ARHGAP24: variants seen among roughly 807,000 people sequenced by gnomAD.
ARHGAP24 encodes the protein Rho GTPase activating protein 24, also known as rho GTPase-activating protein 24.
In ARHGAP24, 50 loss-of-function variants were observed where a neutral mutation model predicts 76.4. That is an observed-to-expected ratio of 0.65 (90% CI 0.52 to 0.83). ARHGAP24 has a LOEUF of 0.83. ARHGAP24 is among the 40% of genes least tolerant of loss of function. The pLI, the probability that ARHGAP24 is intolerant of heterozygous loss-of-function variation, is 0.00. For missense variants in ARHGAP24, 930 were observed against 914.2 expected, an observed-to-expected ratio of 1.02 and a Z score of -0.22; for synonymous variants, 345 against 323.3, an observed-to-expected ratio of 1.07 and a Z score of -0.72.
At chr4:85,548,989 A>G (rs370313168) in intron 1 of ARHGAP24, among the ~76,000 whole-genome samples, 5 of 152,158 alleles carry the variant, frequency 3.3e-5, no homozygotes, top group African/African-American at 1.2e-4. Flanking sequence ...TTATATGTAT[A>G]TCTACAGTTT....
chr4:85,651,020 A>G (rs1721921448), intron 2 of ARHGAP24, among the ~76,000 whole-genome samples: 1 of 142,314 alleles, frequency 7.0e-6, no homozygotes, highest in Admixed American at 7.0e-5. Context: ...AACCTGAAGG[A>G]TAAGCAGAAG....
intron 3 of ARHGAP24, chr4:85,779,028 T>A (rs1419352815): frequency 1.0e-6 from 1 of 977,358 alleles, no homozygotes; most frequent in Non-Finnish European, 1.2e-6. Flanking sequence ...TATTTAGTGG[T>A]CATTTGACCT....
chr4:85,942,388 G>T, intron 5 of ARHGAP24, 115 bp downstream of exon 5: 1 of 1,266,740 alleles, frequency 7.9e-7, no homozygotes, highest in Non-Finnish European at 1.1e-6. Context: ...TTACAACATA[G>T]ATTATTTGGC....
chr4:85,623,601 A>T, intron 2 of ARHGAP24, among the ~76,000 whole-genome samples: 1 of 151,914 alleles, frequency 6.6e-6, no homozygotes, highest in Non-Finnish European at 1.5e-5. Context: ...TATGAACTTT[A>T]AAGTAGTTTT....
intron 3 of ARHGAP24, among the ~76,000 whole-genome samples, chr4:85,794,608 G>A (rs188950430): frequency 9.9e-5 from 15 of 152,076 alleles, no homozygotes; most frequent in Non-Finnish European, 1.6e-4. Context: ...TCAGCCTCCC[G>A]AGTGGCCAGG....
intron 1 of ARHGAP24, among the ~76,000 whole-genome samples, chr4:85,506,786 G>A (rs1724070138): frequency 6.6e-6 from 1 of 152,156 alleles, no homozygotes; most frequent in South Asian, 2.1e-4. Context: ...GATGAACCAG[G>A]TACCTTAGTT....
chr4:85,812,460 A>G (rs981679794), intron 3 of ARHGAP24, among the ~76,000 whole-genome samples: 10 of 152,116 alleles, frequency 6.6e-5, no homozygotes, highest in African/African-American at 2.4e-4. Flanking sequence ...AATTCACACT[A>G]CATTCAGAAT....
chr4:85,984,175 C>T (rs565729140), intron 8 of ARHGAP24, among the ~76,000 whole-genome samples: 2 of 152,116 alleles, frequency 1.3e-5, no homozygotes, highest in African/African-American at 4.8e-5. Context: ...TCTTAGAGGT[C>T]GGGGAACCAT....
At chr4:85,954,669 A>G (rs928124111) in intron 5 of ARHGAP24, among the ~76,000 whole-genome samples, 10 of 152,148 alleles carry the variant, frequency 6.6e-5, no homozygotes, top group African/African-American at 2.4e-4. Context: ...CACATATACT[A>G]AAATTGGAAG....
intron 2 of ARHGAP24, among the ~76,000 whole-genome samples, chr4:85,572,091 G>A (rs866175951): frequency 6.6e-6 from 1 of 152,156 alleles, no homozygotes; most frequent in Non-Finnish European, 1.5e-5. Context: ...ATGAAGTGAT[G>A]TAATCAAGAT....
chr4:85,625,581 A>G (rs921252951), intron 2 of ARHGAP24, among the ~76,000 whole-genome samples: 3 of 152,180 alleles, frequency 2.0e-5, no homozygotes, highest in Non-Finnish European at 2.9e-5. Context: ...GTAGATGTCT[A>G]TTAGGTCTGC....
chr4:85,490,505 A>G (rs566897997), intron 1 of ARHGAP24, among the ~76,000 whole-genome samples: 31 of 152,318 alleles, frequency 2.0e-4, no homozygotes, highest in East Asian at 3.9e-4. Flanking sequence ...TTAAATTACA[A>G]TTCTCTTTAG....
At chr4:85,595,901 A>G (rs10021805) in intron 2 of ARHGAP24, among the ~76,000 whole-genome samples, 18,442 of 151,982 alleles carry the variant, frequency 0.12, 1,203 homozygotes, top group Middle Eastern at 0.14. Flanking sequence ...TGACTTTGTA[A>G]TGATGATCTA....
intron 2 of ARHGAP24, among the ~76,000 whole-genome samples, chr4:85,655,856 G>T (rs1202421997): frequency 7.0e-6 from 1 of 142,272 alleles, no homozygotes; most frequent in Admixed American, 7.4e-5. Context: ...CAGAGAGGAA[G>T]TTTGGTTAGA....
intron 3 of ARHGAP24, among the ~76,000 whole-genome samples, chr4:85,870,519 T>A (rs1490550270): frequency 6.6e-6 from 1 of 152,198 alleles, no homozygotes; most frequent in Non-Finnish European, 1.5e-5. Context: ...TGGTACATGT[T>A]GTCTCAACAT....
At chr4:85,668,032 A>C (rs2109999209) in intron 2 of ARHGAP24, among the ~76,000 whole-genome samples, 1 of 152,332 alleles carries the variant, frequency 6.6e-6, no homozygotes, top group Middle Eastern at 3.4e-3. Flanking sequence ...AATGTAGAAA[A>C]GTTAGACATT....
intron 2 of ARHGAP24, among the ~76,000 whole-genome samples, chr4:85,709,229 T>C (rs1008275647): frequency 6.6e-6 from 1 of 152,144 alleles, no homozygotes; most frequent in Non-Finnish European, 1.5e-5. Flanking sequence ...CAAAGGTGCC[T>C]GGGAAGTAAA....
Position 85,724,943 on chromosome 4 carries a change from G to C in ARHGAP24, c.268+2971G>C, listed in dbSNP as rs2016022. Among the ~76,000 whole-genome samples the C allele has an allele frequency of 2.6e-4, 40 of 152,228 alleles. No homozygotes were observed. In the South Asian group the frequency reaches 8.3e-3, roughly 32 times the overall value. The stretch of plus-strand genomic sequence containing the variant: ...ACTGAAGTGAACTATTATGGCCAAA[G>C]TCCAAGCTTTTGGGAAATGTGGTTG... On this transcript the variant is annotated intron_variant, in intron 3 of 9. Transcript: ENST00000395184.
intron 1 of ARHGAP24, 91 bp from the exon 2 acceptor site, chr4:85,570,428 TCTC>T (rs1417056032): frequency 3.8e-5 from 24 of 626,650 alleles, no homozygotes; most frequent in African/African-American, 3.0e-4. Context: ...CCTCTCTCTC[TCTC>T]TTTTTTTTTT....
Sources: allele counts gnomAD v4.1 joint callset (sites outside exome capture counted in the v4.1 genomes callset), GRCh38; gene constraint gnomAD v4.1.1; transcripts MANE v1.5; gene names NCBI Gene and HGNC (gene_info 2026-07-23, HGNC 2026-07-21).